Variants in CADPS observed in about 807,000 individuals in gnomAD.
CADPS encodes the protein calcium dependent secretion activator.
In CADPS, 57 loss-of-function variants were observed where a neutral mutation model predicts 167.3. The ratio of observed to expected loss-of-function variants is 0.34; its 90% CI spans 0.28 to 0.42. CADPS has a LOEUF of 0.42. Ranked by LOEUF, CADPS falls within the 20% of genes least tolerant of loss-of-function variation. The pLI is 1.00. For missense variants in CADPS, 1,414 were observed against 1,738.1 expected (o/e 0.81, Z 3.32); for synonymous variants, 676 against 635.3 (o/e 1.06, Z -0.96).
chr3:62,819,484 C>T (rs1299067634), intron 1 of CADPS, among the ~76,000 whole-genome samples: 1 of 149,884 alleles, frequency 6.7e-6, no homozygotes, highest in Non-Finnish European at 1.5e-5. Flanking sequence ...CTATGATGTC[C>T]AAATTCTACA....
At chr3:62,481,893 A>T (rs773615953) in intron 21 of CADPS, 24 bp from the exon 22 acceptor site, 3 of 1,599,886 alleles carry the variant, frequency 1.9e-6, no homozygotes, top group Non-Finnish European at 2.6e-6. Context: ...AGACAGAAAG[A>T]AAAAATACCA....
chr3:62,604,405 T>C (rs1168303419), intron 6 of CADPS, among the ~76,000 whole-genome samples: 2 of 152,206 alleles, frequency 1.3e-5, no homozygotes, highest in African/African-American at 4.8e-5. Context: ...GAACAATGAC[T>C]TCCAAGCTCT....
intron 3 of CADPS, among the ~76,000 whole-genome samples, chr3:62,668,380 A>T (rs918421174): frequency 6.6e-6 from 1 of 152,112 alleles, no homozygotes; most frequent in Non-Finnish European, 1.5e-5. Context: ...GTCGGGCACC[A>T]CATCCTCCCC....
chr3:62,738,623 G>A (rs1473485369), intron 3 of CADPS, among the ~76,000 whole-genome samples: 1 of 152,120 alleles, frequency 6.6e-6, no homozygotes, highest in Non-Finnish European at 1.5e-5. Flanking sequence ...CTACTTGGGA[G>A]CCTGAGGCAG....
rs58454730 is a variant in CADPS at position 62,654,086 on chromosome 3, G to A, written c.970-3006C>T. On this transcript the variant is annotated intron_variant, in intron 4 of 29. Transcript: ENST00000383710. ...TCCTGCACAGTGGCCTTGAAATTTTGTCATTCTTGGACTTGATCAGGGACA... is the reference window on the plus strand; with the variant it reads ...TCCTGCACAGTGGCCTTGAAATTTTATCATTCTTGGACTTGATCAGGGACA... Among the ~76,000 whole-genome samples, 174 of 152,224 alleles carry A rather than the reference G, an allele frequency of 1.1e-3. 4 individuals carry two copies. The highest frequency in any genetic ancestry group is 4.0e-3 in the African/African-American group (166 of 41,542).
At chr3:62,436,840 C>T (rs1385351072) in intron 28 of CADPS, among the ~76,000 whole-genome samples, 1 of 150,646 alleles carries the variant, frequency 6.6e-6, no homozygotes, top group African/African-American at 2.4e-5. Flanking sequence ...GTATCAAGCA[C>T]AGAAAGGGGA....
At chr3:62,415,618 C>T (rs1156768044) in intron 28 of CADPS, among the ~76,000 whole-genome samples, 3 of 152,104 alleles carry the variant, frequency 2.0e-5, no homozygotes, top group East Asian at 1.9e-4. Flanking sequence ...GGGCTGTCAG[C>T]GGGGAGGCAG....
chr3:62,484,616 T>A (rs966550699), intron 21 of CADPS, among the ~76,000 whole-genome samples: 3 of 152,294 alleles, frequency 2.0e-5, no homozygotes, highest in Non-Finnish European at 1.5e-5. Context: ...AAAGTGCCCA[T>A]CCGTGGATGG....
chr3:62,718,707 C>T (rs1350722592), intron 3 of CADPS, among the ~76,000 whole-genome samples: 3 of 152,212 alleles, frequency 2.0e-5, no homozygotes, highest in Non-Finnish European at 2.9e-5. Context: ...TCCTACATTT[C>T]TGAAAGACAG....
chr3:62,509,759 T>C (rs2067384011), intron 17 of CADPS, among the ~76,000 whole-genome samples: 1 of 152,204 alleles, frequency 6.6e-6, no homozygotes. Flanking sequence ...TGTTAATTTG[T>C]AGTCTTCCTA....
At chr3:62,683,600 G>A (rs1284553805) in intron 3 of CADPS, among the ~76,000 whole-genome samples, 1 of 152,006 alleles carries the variant, frequency 6.6e-6, no homozygotes, top group Non-Finnish European at 1.5e-5. Context: ...AACAAACATT[G>A]ATACTTCATT....
At position 62,753,342 on chromosome 3, in the gene CADPS, T is replaced by C. The variant is rs2083129626; in HGVS notation, c.888+99A>G. On this transcript the variant is annotated intron_variant, in intron 3 of 29. Coordinates refer to ENST00000383710, the MANE Select transcript of CADPS (RefSeq NM_003716.4). This position sits in a 1 kb window ranked among gnomAD's most constrained non-coding sequence, Gnocchi z 4.6. ...TACCAGTAGAGTAATAAAATATAAG[T>C]TTTAATCCTTTTTTTAAAAAAATCA... is the stretch of plus-strand genomic sequence containing the variant. 3.4e-6 allele frequency: 3 copies of C among 881,284 alleles called. No homozygotes were observed. The highest frequency in any genetic ancestry group is 2.5e-5 in the Admixed American group (1 of 39,714). The allele number at this position is 881,284 out of a possible 1,614,324, so 54.6% of individuals were successfully genotyped here.
intron 9 of CADPS, among the ~76,000 whole-genome samples, chr3:62,561,138 G>T (rs1307290977): frequency 1.3e-5 from 2 of 150,884 alleles, no homozygotes; most frequent in Non-Finnish European, 2.9e-5. Flanking sequence ...TAGATAGTGT[G>T]TGGGGGGTGA....
intron 3 of CADPS, among the ~76,000 whole-genome samples, chr3:62,734,051 G>A (rs917295946): frequency 1.3e-5 from 2 of 152,144 alleles, no homozygotes; most frequent in Non-Finnish European, 2.9e-5. Context: ...TGGACATTTA[G>A]GTTGGTTCCA....
chr3:62,750,555 T>G (rs2082482712), intron 3 of CADPS, among the ~76,000 whole-genome samples: 1 of 152,178 alleles, frequency 6.6e-6, no homozygotes, highest in African/African-American at 2.4e-5. Context: ...CTTTTGGTAT[T>G]TGTTTTCATT....
At chr3:62,719,661 G>A (rs971922296) in intron 3 of CADPS, among the ~76,000 whole-genome samples, 1 of 152,174 alleles carries the variant, frequency 6.6e-6, no homozygotes, top group African/African-American at 2.4e-5. Context: ...GCAAATAAGG[G>A]TAATGCATCC....
At chr3:62,434,713 G>C (rs2054632858) in intron 28 of CADPS, among the ~76,000 whole-genome samples, 2 of 152,168 alleles carry the variant, frequency 1.3e-5, no homozygotes, top group Non-Finnish European at 1.5e-5. Flanking sequence ...AACTAGCTCA[G>C]AGAGCACTGG....
At chr3:62,648,426 A>C (rs1231181626) in intron 5 of CADPS, among the ~76,000 whole-genome samples, 1 of 152,088 alleles carries the variant, frequency 6.6e-6, no homozygotes, top group Non-Finnish European at 1.5e-5. Flanking sequence ...GCACATCTAC[A>C]ATCCCAGCAT....
chr3:62,739,736 C>G (rs1575681586), intron 3 of CADPS, among the ~76,000 whole-genome samples: 2 of 152,284 alleles, frequency 1.3e-5, no homozygotes, highest in African/African-American at 4.8e-5. Context: ...TTAAAGCTAG[C>G]ATATCAGCAT....
Sources: gnomAD v4.1 joint callset for allele counts (sites outside exome capture counted in the v4.1 genomes callset) on GRCh38, gnomAD v4.1.1 for gene constraint, Gnocchi (gnomAD v3.1) non-coding constraint, MANE v1.5 for transcripts, NCBI Gene and HGNC (gene_info 2026-07-23, HGNC 2026-07-21) for gene names.